PCDHGA5: variants seen among roughly 807,000 people sequenced by gnomAD.
The protein encoded by PCDHGA5 is protocadherin gamma subfamily A, 5.
PCDHGA5 carries 36 observed loss-of-function variants against 56.7 expected under a neutral mutation model. The observed-to-expected ratio is 0.64, with a 90% CI of 0.49 to 0.84. PCDHGA5 has a LOEUF of 0.84. Ranked by LOEUF, PCDHGA5 falls within the 40% of genes least tolerant of loss-of-function variation. The pLI is 0.00. For synonymous variants in PCDHGA5, 563 were observed against 520.2 expected (o/e 1.08, Z -1.12); for missense variants, 1,305 against 1,201.5 (o/e 1.09, Z -1.27).
chr5:141,482,981 A>C (rs1377809325), intron 1 of PCDHGA5, among the ~76,000 whole-genome samples: 1 of 150,250 alleles, frequency 6.7e-6, no homozygotes, highest in Non-Finnish European at 1.5e-5. Context: ...GCTACTTGAG[A>C]GGTCGAGGCA....
Position 141,380,147 on chromosome 5 carries a change from G to A in PCDHGA5, c.2421+13396G>A, listed in dbSNP as rs191814510. On this transcript the variant is annotated intron_variant, in intron 1 of 3. Transcript: ENST00000518069. ...ACTCCTGACCTTAAGTGATCCACCC[G>A]CCTCAGCCTCTCAAAGGGCTGGGAT... Among the ~76,000 whole-genome samples the A allele has an allele frequency of 2.4e-3, 365 of 152,108 alleles. 1 individual carries two copies. Among genetic ancestry groups the A allele is most frequent in the Non-Finnish European group, 4.5e-3 (306 of 67,982 alleles).
intron 1 of PCDHGA5, chr5:141,479,722 T>C (rs2099504690): frequency 6.6e-6 from 1 of 152,240 alleles, no homozygotes; most frequent in African/African-American, 2.4e-5. Context: ...CCAGCCTTAT[T>C]TTTCTTAAGT....
At chr5:141,398,910 G>A (rs1465229535) in intron 1 of PCDHGA5, 1 of 1,613,972 alleles carries the variant, frequency 6.2e-7, no homozygotes, top group South Asian at 1.1e-5. Flanking sequence ...GCACCACTGT[G>A]TTGCAAGTGT....
At position 141,394,666 on chromosome 5, in the gene PCDHGA5, C is replaced by T. The variant is rs1175831509; in HGVS notation, c.2421+27915C>T. 1.2e-6 allele frequency: 2 copies of T among 1,613,190 alleles called. No homozygotes were observed. ...AAGGCCAGCGAGCCGGGACTCTTCT[C>T]GGTGGGTCTGCACACGGGCGAGGTG... On this transcript the variant is annotated intron_variant, in intron 1 of 3. Transcript: ENST00000518069.
At position 141,491,150 on chromosome 5, in the gene PCDHGA5, A is replaced by G; in HGVS notation, c.2422-3657A>G. On this transcript the variant is annotated intron_variant, in intron 1 of 3. Coordinates refer to ENST00000518069, the MANE Select transcript of PCDHGA5 (RefSeq NM_018918.3). This position sits in a 1 kb window ranked among gnomAD's most constrained non-coding sequence, Gnocchi z 6.9. ...CGCACAGCCCGGGCCTTACTGGAGG[A>G]TGACTCTGACACCCAGCAGGTGGTG... is the stretch of plus-strand genomic sequence containing the variant. 1 of 1,614,122 alleles carries G rather than the reference A, an allele frequency of 6.2e-7. No individual in the cohort carries two copies. Among genetic ancestry groups the G allele is most frequent in the African/African-American group, 1.3e-5 (1 of 75,060 alleles).
intron 1 of PCDHGA5, chr5:141,374,459 A>C: frequency 1.9e-6 from 3 of 1,613,448 alleles, no homozygotes; most frequent in Non-Finnish European, 1.7e-6. Flanking sequence ...AATAGTGGAC[A>C]TTAATGACAA....
In PCDHGA5 at chr5:141,432,688, A is replaced by T; in HGVS notation, c.2422-62119A>T. 1 of 1,613,896 alleles carries T rather than the reference A, an allele frequency of 6.2e-7. No homozygotes were observed. The highest frequency in any genetic ancestry group is 1.1e-5 in the South Asian group (1 of 91,078). ...GAGACGCGCTCAAGCAGAGCCTCGTAGTGGCCGTCCAGGACCACGGCCAGC... is the reference window on the plus strand; with the variant it reads ...GAGACGCGCTCAAGCAGAGCCTCGTTGTGGCCGTCCAGGACCACGGCCAGC... On this transcript the variant is annotated intron_variant, in intron 1 of 3. Transcript: ENST00000518069. This position sits in a 1 kb window ranked among gnomAD's most constrained non-coding sequence, Gnocchi z 6.0.
chr5:141,413,343 G>A, intron 1 of PCDHGA5: 12 of 1,613,994 alleles, frequency 7.4e-6, no homozygotes, highest in Non-Finnish European at 1.0e-5. Context: ...CCAAGGACTT[G>A]GGTCTGGCGC....
intron 1 of PCDHGA5, among the ~76,000 whole-genome samples, chr5:141,483,255 G>T (rs1383670642): frequency 1.3e-5 from 2 of 152,030 alleles, no homozygotes; most frequent in African/African-American, 2.4e-5. Context: ...ATATCATGAG[G>T]TTTTTTTGTT....
intron 1 of PCDHGA5, chr5:141,422,646 C>T (rs748692494): frequency 5.0e-6 from 8 of 1,611,836 alleles, no homozygotes; most frequent in Non-Finnish European, 6.8e-6. Flanking sequence ...CCTCCATCTT[C>T]TCAGTGACCG....
At position 141,376,180 on chromosome 5, in the gene PCDHGA5, G is replaced by C. The variant is rs113596971; in HGVS notation, c.2421+9429G>C. On this transcript the variant is annotated intron_variant, in intron 1 of 3. Transcript: ENST00000518069. Reference sequence around the variant, plus strand: ...TGTACCTGGTGGTGGCGGTGGCCGCGGTCTCCTGCGTCTTCCTGGCCTTCG... The same window carrying C: ...TGTACCTGGTGGTGGCGGTGGCCGCCGTCTCCTGCGTCTTCCTGGCCTTCG... The C allele has an allele frequency of 1.9e-3, 3,099 of 1,614,100 alleles. 61 individuals are homozygous for C. The African/African-American group carries it at 0.034, about 18-fold the overall frequency.
rs545544226 is a variant in PCDHGA5, at chr5:141,376,066, C to T, written c.2421+9315C>T. 2.3e-5 allele frequency: 37 copies of T among 1,613,396 alleles called. 2 individuals are homozygous for T. The South Asian group carries it at 3.6e-4, about 16-fold the overall frequency. ...CTCTCTCCGCCACTGTCACGCTCACCGTGGCCGTGGCCGACAGGATCCCCG... is the reference window on the plus strand; with the variant it reads ...CTCTCTCCGCCACTGTCACGCTCACTGTGGCCGTGGCCGACAGGATCCCCG... On this transcript the variant is annotated intron_variant, in intron 1 of 3. Transcript: ENST00000518069.
rs368564960 is a variant in PCDHGA5 at position 141,408,437 on chromosome 5, G to T, written c.2421+41686G>T. Reference sequence around the variant, plus strand: ...GGAGAAGCTGCACTTCAGCGTAGACGCGGAGAGCGGGGACTTACTTGTGAA... The same window carrying T: ...GGAGAAGCTGCACTTCAGCGTAGACTCGGAGAGCGGGGACTTACTTGTGAA... On this transcript the variant is annotated intron_variant, in intron 1 of 3. Transcript: ENST00000518069. The T allele has an allele frequency of 1.3e-5, 21 of 1,613,950 alleles. No homozygotes were observed. Among genetic ancestry groups the T allele is most frequent in the Non-Finnish European group, 1.6e-5 (19 of 1,179,918 alleles).
chr5:141,404,826 A>C lies in PCDHGA5; in HGVS notation c.2421+38075A>C, dbSNP rs771996319. 2.5e-6 allele frequency: 4 copies of C among 1,613,710 alleles called. No individual in the cohort carries two copies. In the South Asian group the frequency reaches 3.3e-5, roughly 13 times the overall value. The stretch of plus-strand genomic sequence containing the variant: ...TTCTCGGTGGGGCTGCACACAGGTG[A>C]AGTGCGCACAGCTCGGGCCCTGCTA... On this transcript the variant is annotated intron_variant, in intron 1 of 3. Transcript: ENST00000518069.
rs764957747 is a variant in PCDHGA5, at chr5:141,505,453, G to A, written c.2541G>A (p.Leu847=). Residue 847 remains leucine (L), a synonymous_variant, in exon 3 of 4, where the codon CTG becomes CTA. Coordinates refer to ENST00000518069, the MANE Select transcript of PCDHGA5 (RefSeq NM_018918.3). ...ACAACCAGTTTGACACAGAGATGCT[G>A]CAAGCCATGATCTTGGCGTCCGCCA... ...WPNNQFDTEM[L]QAMILASASE... 3 of 1,614,190 alleles carry A rather than the reference G, an allele frequency of 1.9e-6. No individual in the cohort carries two copies. Among genetic ancestry groups the A allele is most frequent in the Non-Finnish European group, 2.5e-6 (3 of 1,180,012 alleles).
chr5:141,419,137 CA>C (rs1561778370), intron 1 of PCDHGA5: 1 of 1,613,892 alleles, frequency 6.2e-7, no homozygotes, highest in African/African-American at 1.3e-5. Flanking sequence ...CAGCCACAGA[CA>C]GGGGCAAGCC....
intron 1 of PCDHGA5, chr5:141,375,553 A>C: frequency 6.2e-7 from 1 of 1,613,838 alleles, no homozygotes; most frequent in Non-Finnish European, 8.5e-7. Flanking sequence ...TCTCCTACTC[A>C]CTGGCAGAAG....
intron 1 of PCDHGA5, chr5:141,395,410 A>G: frequency 1.2e-6 from 1 of 801,764 alleles, no homozygotes; most frequent in Non-Finnish European, 1.9e-6. Context: ...GTCATAGGTT[A>G]TTGTTTCATT....
chr5:141,400,037 G>A, intron 1 of PCDHGA5: 4 of 1,613,246 alleles, frequency 2.5e-6, no homozygotes, highest in African/African-American at 1.3e-5. Context: ...GCCCGCCAGC[G>A]CCTGCTGGTT....
Sources: gnomAD v4.1 joint callset for allele counts (sites outside exome capture counted in the v4.1 genomes callset) on GRCh38, gnomAD v4.1.1 for gene constraint, Gnocchi (gnomAD v3.1) non-coding constraint, MANE v1.5 for transcripts, NCBI Gene and HGNC (gene_info 2026-07-23, HGNC 2026-07-21) for gene names.